PARD3B: variants seen among roughly 807,000 people sequenced by gnomAD.
The protein encoded by PARD3B is par-3 family cell polarity regulator beta.
A neutral mutation model predicts 130.2 loss-of-function variants in PARD3B; 103 were observed. The ratio of observed to expected loss-of-function variants is 0.79; its 90% CI spans 0.67 to 0.93. The LOEUF (loss-of-function observed/expected upper bound fraction) is 0.93. PARD3B is among the 40% of genes least tolerant of loss of function. The pLI, the probability that PARD3B is intolerant of heterozygous loss-of-function variation, is 0.00. For missense variants in PARD3B, 1,609 were observed against 1,499.2 expected, an observed-to-expected ratio of 1.07 and a Z score of -1.21; for synonymous variants, 583 against 553.2, an observed-to-expected ratio of 1.05 and a Z score of -0.76.
rs1360849030 is a variant in PARD3B, at chr2:205,564,825, G to A, written c.3260+11422G>A. Among the ~76,000 whole-genome samples the A allele has an allele frequency of 6.6e-6, 1 of 152,156 alleles. No individual in the cohort carries two copies. Among genetic ancestry groups the A allele is most frequent in the African/African-American group, 2.4e-5 (1 of 41,416 alleles). ...AAACATTTGTGGTACAAATGTGAGA[G>A]GGGTTGGTACAAAAACAGCAGCCTC... On this transcript the variant is annotated intron_variant, in intron 22 of 22. Transcript: ENST00000406610. This position sits in a 1 kb window ranked among gnomAD's most constrained non-coding sequence, Gnocchi z 4.6.
intron 1 of PARD3B, among the ~76,000 whole-genome samples, chr2:204,616,999 T>C (rs1457377797): frequency 6.6e-6 from 1 of 152,192 alleles, no homozygotes; most frequent in Non-Finnish European, 1.5e-5. Flanking sequence ...TATACTTCTT[T>C]CCAAACCTTT....
intron 16 of PARD3B, among the ~76,000 whole-genome samples, chr2:205,275,622 C>T (rs1921809): frequency 0.18 from 27,323 of 151,686 alleles, 2,980 homozygotes; most frequent in African/African-American, 0.3. Context: ...GATCAGCTGA[C>T]GTCAGAAGTT....
At chr2:205,262,869 A>T (rs1466697666) in intron 16 of PARD3B, among the ~76,000 whole-genome samples, 1 of 152,016 alleles carries the variant, frequency 6.6e-6, no homozygotes, top group Non-Finnish European at 1.5e-5. Context: ...CTGACAAATA[A>T]TTTTTCTTAA....
intron 1 of PARD3B, among the ~76,000 whole-genome samples, chr2:204,613,537 T>C (rs186741061): frequency 6.6e-6 from 1 of 152,202 alleles, no homozygotes; most frequent in East Asian, 1.9e-4. Context: ...CTCTTTCTGG[T>C]TCTGTTATTG....
At chr2:205,112,976 A>G (rs1292507589) in intron 5 of PARD3B, among the ~76,000 whole-genome samples, 1 of 152,208 alleles carries the variant, frequency 6.6e-6, no homozygotes, top group Non-Finnish European at 1.5e-5. Context: ...GAACATGCCC[A>G]TATGTATTAC....
At chr2:204,786,113 CAA>C (rs56704816) in intron 2 of PARD3B, among the ~76,000 whole-genome samples, 2,399 of 93,948 alleles carry the variant, frequency 0.026, 54 homozygotes, top group African/African-American at 0.082. Flanking sequence ...GACTCCATCT[CAA>C]AAAAAAAAAA....
intron 18 of PARD3B, among the ~76,000 whole-genome samples, chr2:205,308,604 CA>C (rs5837965): frequency 1.8e-5 from 2 of 113,278 alleles, no homozygotes; most frequent in South Asian, 3.6e-4. Flanking sequence ...GACTCCGTCT[CA>C]AAAAAAAAAA....
chr2:205,543,609 T>C (rs2052261500), intron 21 of PARD3B, among the ~76,000 whole-genome samples: 1 of 152,198 alleles, frequency 6.6e-6, no homozygotes. Context: ...GTCAGACACA[T>C]CTCAGTTCAA....
chr2:205,121,818 C>T lies in PARD3B; in HGVS notation c.1034C>T (p.Ala345Val), dbSNP rs761860001. The change falls in exon 8 of 23, where the codon GCT (alanine) becomes GTT (valine). Residue 345 changes from alanine (A) to valine (V), a missense_variant. Ala to Val is a moderately conservative substitution (Grantham distance 64, BLOSUM62 0). Transcript: ENST00000406610. The surrounding 1 kb of genome is among the most constrained non-coding windows in gnomAD (Gnocchi z 5.0). ...GATAGTCCTGAAACAGATGCATCAGCTTCCCTGCAACAAAACAAGAGTCCC... is the reference window on the plus strand; with the variant it reads ...GATAGTCCTGAAACAGATGCATCAGTTTCCCTGCAACAAAACAAGAGTCCC... Reference protein sequence around the residue: ...GTDSPETDASASLQQNKSPRV... With the variant: ...GTDSPETDASVSLQQNKSPRV... The T allele has an allele frequency of 6.2e-7, 1 of 1,614,114 alleles. No individual in the cohort carries two copies. The highest frequency in any genetic ancestry group is 8.5e-7 in the Non-Finnish European group (1 of 1,180,024).
intron 18 of PARD3B, among the ~76,000 whole-genome samples, chr2:205,357,766 A>G (rs1413252717): frequency 6.6e-6 from 1 of 152,256 alleles, no homozygotes; most frequent in Non-Finnish European, 1.5e-5. Flanking sequence ...AGAATGATTA[A>G]GAGAAAGACT....
At chr2:204,758,554 A>AC (rs1446722217) in intron 2 of PARD3B, among the ~76,000 whole-genome samples, 1 of 152,188 alleles carries the variant, frequency 6.6e-6, no homozygotes, top group Non-Finnish European at 1.5e-5. Context: ...ACTTAGGGGA[A>AC]CACTGAAAAC....
At position 205,249,006 on chromosome 2, in the gene PARD3B, G is replaced by GTTT. The variant is rs10707308; in HGVS notation, c.2185+3203_2185+3205dup. 1.6e-3 allele frequency among the ~76,000 whole-genome samples: 149 copies of GTTT among 95,084 alleles called. 5 individuals carry two copies. Among genetic ancestry groups the GTTT allele is most frequent in the African/African-American group, 4.3e-3 (92 of 21,464 alleles). The allele number at this position is 95,084 out of a possible 152,430, so 62.4% of individuals were successfully genotyped here. On this transcript the variant is annotated intron_variant, in intron 16 of 22. Coordinates refer to ENST00000406610, the MANE Select transcript of PARD3B (RefSeq NM_001302769.2). The stretch of plus-strand genomic sequence containing the variant: ...TCAGAATATTTAGGTTAAAATAAGA[G>GTTT]TTTTTTTTTTTTTTTTTTTTTGAGA...
intron 15 of PARD3B, among the ~76,000 whole-genome samples, chr2:205,211,971 A>T (rs1444019035): frequency 3.9e-5 from 6 of 152,168 alleles, no homozygotes; most frequent in Admixed American, 3.9e-4. Context: ...GGAATAAATT[A>T]TCATAGCACC....
intron 2 of PARD3B, among the ~76,000 whole-genome samples, chr2:204,752,957 C>A (rs562687310): frequency 6.6e-6 from 1 of 152,250 alleles, no homozygotes; most frequent in African/African-American, 2.4e-5. Context: ...GTTTAAAGAG[C>A]AAAATCCAAA....
intron 3 of PARD3B, among the ~76,000 whole-genome samples, chr2:204,982,897 T>G (rs1692798112): frequency 6.6e-6 from 1 of 152,200 alleles, no homozygotes; most frequent in Non-Finnish European, 1.5e-5. Context: ...TGATTTTACT[T>G]GAGGGGAATA....
chr2:204,682,995 A>C (rs972581821), intron 1 of PARD3B, among the ~76,000 whole-genome samples: 1 of 152,184 alleles, frequency 6.6e-6, no homozygotes, highest in Non-Finnish European at 1.5e-5. Flanking sequence ...ACATTTGATC[A>C]TTAAAAATAA....
chr2:204,760,312 G>A (rs914555583), intron 2 of PARD3B, among the ~76,000 whole-genome samples: 11 of 151,952 alleles, frequency 7.2e-5, no homozygotes, highest in African/African-American at 2.7e-4. Flanking sequence ...CGTGTTAAAA[G>A]CATTTTTGCT....
At chr2:204,784,448 A>G (rs1465532527) in intron 2 of PARD3B, among the ~76,000 whole-genome samples, 2 of 152,172 alleles carry the variant, frequency 1.3e-5, no homozygotes, top group East Asian at 1.9e-4. Context: ...TAAAGGACAA[A>G]CTATACCCTT....
chr2:204,611,790 A>G (rs1349688455), intron 1 of PARD3B, among the ~76,000 whole-genome samples: 2 of 152,188 alleles, frequency 1.3e-5, no homozygotes, highest in Non-Finnish European at 2.9e-5. Context: ...CGTACATCCC[A>G]TATCTAAAAG....
Sources: gnomAD v4.1 joint callset for allele counts (sites outside exome capture counted in the v4.1 genomes callset) on GRCh38, gnomAD v4.1.1 for gene constraint, Gnocchi (gnomAD v3.1) non-coding constraint, MANE v1.5 for transcripts, NCBI Gene and HGNC (gene_info 2026-07-23, HGNC 2026-07-21) for gene names.